P4HA1: variants seen among roughly 807,000 people sequenced by gnomAD.
P4HA1 encodes prolyl 4-hydroxylase subunit alpha-1.
P4HA1 carries 24 observed loss-of-function variants against 72.8 expected under a neutral mutation model. The observed-to-expected ratio is 0.33, with a 90% CI of 0.24 to 0.46. The LOEUF (loss-of-function observed/expected upper bound fraction) is 0.46, where lower values mean the gene tolerates loss of function less well. P4HA1 is among the 20% of genes least tolerant of loss of function. The pLI, the probability that P4HA1 is intolerant of heterozygous loss-of-function variation, is 1.00. For missense variants in P4HA1, 446 were observed against 640.6 expected, an observed-to-expected ratio of 0.70 and a Z score of 3.28; for synonymous variants, 201 against 218.8, an observed-to-expected ratio of 0.92 and a Z score of 0.72.
chr10:73,030,829 A>G (rs1840417076), intron 9 of P4HA1, among the ~76,000 whole-genome samples: 1 of 152,190 alleles, frequency 6.6e-6, no homozygotes, highest in Non-Finnish European at 1.5e-5. Context: ...AAGTTTTGAA[A>G]AGTTACCCAA....
intron 1 of P4HA1, among the ~76,000 whole-genome samples, chr10:73,075,630 T>C (rs929232323): frequency 1.3e-5 from 2 of 152,066 alleles, no homozygotes; most frequent in African/African-American, 4.8e-5. Flanking sequence ...TACCAATACA[T>C]TTTCAAAATG....
chr10:73,055,285 A>G (rs961691814), intron 5 of P4HA1, among the ~76,000 whole-genome samples: 2 of 152,146 alleles, frequency 1.3e-5, no homozygotes, highest in Admixed American at 6.5e-5. Flanking sequence ...GCTCACTGCA[A>G]TCTCCATCTC....
At chr10:73,033,408 TTA>T (rs1201093802) in intron 9 of P4HA1, among the ~76,000 whole-genome samples, 29 of 152,314 alleles carry the variant, frequency 1.9e-4, no homozygotes, top group African/African-American at 6.7e-4. Flanking sequence ...TCCTTCAGCC[TTA>T]TAGAGGCAGA....
intron 9 of P4HA1, among the ~76,000 whole-genome samples, chr10:73,039,854 CTTTTTTTTT>C (rs765288935): frequency 2.3e-5 from 2 of 86,998 alleles, no homozygotes; most frequent in Non-Finnish European, 4.2e-5. Flanking sequence ...CTGAGATGGC[CTTTTTTTTT>C]TTTTTTTTTT....
intron 10 of P4HA1, among the ~76,000 whole-genome samples, chr10:73,026,747 A>G (rs1840279696): frequency 6.6e-6 from 1 of 152,222 alleles, no homozygotes; most frequent in Non-Finnish European, 1.5e-5. Flanking sequence ...AAGAACTTAA[A>G]TTTACAAGAA....
chr10:73,087,660 TA>T (rs1362788457), intron 1 of P4HA1, among the ~76,000 whole-genome samples: 1 of 152,136 alleles, frequency 6.6e-6, no homozygotes, highest in Non-Finnish European at 1.5e-5. Context: ...TTAGGTTGTT[TA>T]CTTTTTTTAA....
At position 73,074,930 on chromosome 10, in the gene P4HA1, G is replaced by C. The variant is rs751972528; in HGVS notation, c.-32-15C>G. On this transcript the variant is annotated splice_polypyrimidine_tract_variant and intron_variant, in intron 1 of 14. Transcript: ENST00000394890. ...GGATCACACACCTACAAAAGAAAGA[G>C]AGAAATGCAGCCATTACTTAAAAAA... The C allele has an allele frequency of 4.9e-6, 4 of 817,346 alleles. No individual in the cohort carries two copies. Among genetic ancestry groups the C allele is most frequent in the Admixed American group, 2.2e-5 (1 of 45,610 alleles). 50.6% of individuals were successfully genotyped at this position (817,346 alleles called of 1,614,324 possible).
intron 3 of P4HA1, 144 bp downstream of exon 3, chr10:73,073,586 TG>T (rs1178582456): frequency 1.7e-6 from 1 of 599,990 alleles, no homozygotes; most frequent in Non-Finnish European, 3.0e-6. Context: ...AAGCCTAACT[TG>T]TTCTCTATAC....
At chr10:73,066,126 G>C (rs566565852) in intron 5 of P4HA1, among the ~76,000 whole-genome samples, 1 of 152,268 alleles carries the variant, frequency 6.6e-6, no homozygotes, top group Admixed American at 6.5e-5. Flanking sequence ...TGTGATATTT[G>C]ACTATTAACA....
At chr10:73,027,777 G>C (rs113952351) in intron 10 of P4HA1, among the ~76,000 whole-genome samples, 6,373 of 137,922 alleles carry the variant, frequency 0.046, 524 homozygotes, top group African/African-American at 0.17. Context: ...AGGAAGGAAG[G>C]AAGCAAGCAA....
At chr10:73,039,914 T>G (rs2133078986) in intron 9 of P4HA1, among the ~76,000 whole-genome samples, 1 of 141,480 alleles carries the variant, frequency 7.1e-6, no homozygotes. Flanking sequence ...CAGCCTGGAG[T>G]GCAGTGGTGC....
chr10:73,062,040 G>A (rs956888189), intron 5 of P4HA1, among the ~76,000 whole-genome samples: 3 of 152,078 alleles, frequency 2.0e-5, no homozygotes, highest in Non-Finnish European at 4.4e-5. Context: ...TTTTAATAAA[G>A]ACCTGATCAG....
intron 1 of P4HA1, among the ~76,000 whole-genome samples, chr10:73,090,682 A>G (rs1842010037): frequency 6.6e-6 from 1 of 152,150 alleles, no homozygotes; most frequent in Non-Finnish European, 1.5e-5. Flanking sequence ...GTCACTATTC[A>G]CTATTTTCAA....
At chr10:73,051,331 G>C in intron 6 of P4HA1, 82 bp from the exon 7 acceptor site, 6 of 742,168 alleles carry the variant, frequency 8.1e-6, no homozygotes, top group Non-Finnish European at 1.1e-5. Context: ...AAAAATAGGA[G>C]ACATTATAAT....
intron 5 of P4HA1, among the ~76,000 whole-genome samples, chr10:73,066,038 T>C (rs1040486519): frequency 1.3e-5 from 2 of 152,122 alleles, no homozygotes; most frequent in African/African-American, 4.8e-5. Flanking sequence ...TATAAAAAGA[T>C]GACAGGATAC....
At chr10:73,079,808 A>T (rs1317622843) in intron 1 of P4HA1, among the ~76,000 whole-genome samples, 1 of 152,196 alleles carries the variant, frequency 6.6e-6, no homozygotes, top group Non-Finnish European at 1.5e-5. Flanking sequence ...CAACCCTATT[A>T]TCTAGCAGTG....
chr10:73,015,875 TG>T (rs1333525366), intron 11 of P4HA1, among the ~76,000 whole-genome samples: 1 of 144,748 alleles, frequency 6.9e-6, no homozygotes, highest in Non-Finnish European at 1.5e-5. Context: ...TCTAGGTGTT[TG>T]GTTTTTTTTT....
intron 1 of P4HA1, among the ~76,000 whole-genome samples, chr10:73,078,521 A>G (rs1841751944): frequency 6.6e-6 from 1 of 152,062 alleles, no homozygotes; most frequent in South Asian, 2.1e-4. Context: ...ACATCATAAT[A>G]CAGTCATAAC....
intron 4 of P4HA1, 40 bp downstream of exon 4, chr10:73,071,989 G>A (rs1417279541): frequency 2.0e-6 from 3 of 1,471,452 alleles, no homozygotes; most frequent in Non-Finnish European, 2.8e-6. Context: ...TCTACATATG[G>A]TGGCAATATT....
Sources: gnomAD v4.1 joint callset for allele counts (sites outside exome capture counted in the v4.1 genomes callset) on GRCh38, gnomAD v4.1.1 for gene constraint, MANE v1.5 for transcripts, NCBI Gene and HGNC (gene_info 2026-07-23, HGNC 2026-07-21) for gene names.